ZDHHC23: variants seen among roughly 807,000 people sequenced by gnomAD.
ZDHHC23 encodes the protein zDHHC palmitoyltransferase 23.
In ZDHHC23, 41 loss-of-function variants were observed where a neutral mutation model predicts 40.2. That is an observed-to-expected ratio of 1.02 (90% CI 0.79 to 1.32). The LOEUF (loss-of-function observed/expected upper bound fraction) is 1.32. Ranked by LOEUF, ZDHHC23 falls within the 40% of genes most tolerant of loss-of-function variation. ZDHHC23 has a pLI of 0.00. For synonymous variants in ZDHHC23, 204 were observed against 210.2 expected, an observed-to-expected ratio of 0.97 and a Z score of 0.26; for missense variants, 471 against 541.5, an observed-to-expected ratio of 0.87 and a Z score of 1.29.
At position 113,959,005 on chromosome 3, in the gene ZDHHC23, C is replaced by A. The variant is rs1488347377; in HGVS notation, c.*375C>A. 8.9e-7 allele frequency: 1 copy of A among 1,126,098 alleles called. No individual in the cohort carries two copies. 69.8% of individuals were successfully genotyped at this position (1,126,098 alleles called of 1,614,324 possible). A position where few individuals can be genotyped will look rare whatever the true frequency, so the allele number is the denominator to read the frequency against. On this transcript the variant is annotated 3_prime_UTR_variant, in exon 5 of 5. Transcript: ENST00000638807. ...TTTCGATTCTTAATAGCCATGTGAC[C>A]CCTAGCTGAGTCACTTTCCCAAGTC...
chr3:113,970,443 A>T, the ZDHHC23 span, among the ~76,000 whole-genome samples: 4 of 152,126 alleles, frequency 2.6e-5, no homozygotes, highest in Non-Finnish European at 5.9e-5. Context: ...TACAGCCATG[A>T]GCCATCACAT....
In ZDHHC23 at chr3:113,958,649, C is replaced by G. The variant is rs746255251; in HGVS notation, c.*19C>G. 36 of 1,593,922 alleles carry G rather than the reference C, an allele frequency of 2.3e-5. No homozygotes were observed. Among genetic ancestry groups the G allele is most frequent in the Admixed American group, 3.4e-5 (2 of 59,168 alleles). On this transcript the variant is annotated 3_prime_UTR_variant, in exon 5 of 5. Transcript: ENST00000638807. ...TGTCTGAAGTGCCTTCTATGTGGCT[C>G]TCTGAGGGATGATGGCTCCTCCTTC...
rs1319548376 is a variant in ZDHHC23, at chr3:113,962,077, T to C, written c.*3447T>C. On this transcript the variant is annotated 3_prime_UTR_variant, in exon 5 of 5. Coordinates refer to ENST00000638807, the MANE Select transcript of ZDHHC23 (RefSeq NM_001320466.2). The stretch of plus-strand genomic sequence containing the variant: ...AAGTAGAGGTTGCTTAAGCAAGCAA[T>C]GGATAATAAGAGACTTTTCCTGAGG... 1 of 152,592 alleles carries C rather than the reference T, an allele frequency of 6.6e-6. No individual in the cohort carries two copies. The highest frequency in any genetic ancestry group is 1.5e-5 in the Non-Finnish European group (1 of 68,026). 9.5% of individuals were successfully genotyped at this position (152,592 alleles called of 1,614,324 possible).
chr3:113,967,176 T>G (rs892008947), downstream of ZDHHC23, among the ~76,000 whole-genome samples: 1 of 152,112 alleles, frequency 6.6e-6, no homozygotes, highest in Admixed American at 6.5e-5. Flanking sequence ...ATCCATTCAG[T>G]CCACCATTTA....
chr3:113,973,596 GT>G, the ZDHHC23 span, among the ~76,000 whole-genome samples: 91 of 145,566 alleles, frequency 6.3e-4, 1 homozygote, highest in African/African-American at 1.6e-3. Context: ...TGGATGGCAG[GT>G]TTTTTTTTTT....
At position 113,953,983 on chromosome 3, in the gene ZDHHC23, C is replaced by G. The variant is rs1247714803; in HGVS notation, c.445C>G (p.Leu149Val). 6.2e-7 allele frequency: 1 copy of G among 1,614,156 alleles called. No homozygotes were observed. The highest frequency in any genetic ancestry group is 2.2e-5 in the East Asian group (1 of 44,886). Residue 149 changes from leucine (L) to valine (V), a missense_variant, in exon 3 of 5, where the codon CTG becomes GTG. Physicochemically the swap from Leu to Val is conservative, Grantham distance 32 (BLOSUM62 1). Around this residue, in one of 3 missense-constraint regions of ZDHHC23, gnomAD observed 346 missense variants for 399.8 expected, o/e 0.87. Transcript: ENST00000638807. Reference sequence around the variant, plus strand: ...TTTCCTGAGCCTTGGACTGTTCTCTCTGGGCTACATGTACTATGTGTTCCT... The same window carrying G: ...TTTCCTGAGCCTTGGACTGTTCTCTGTGGGCTACATGTACTATGTGTTCCT... Reference protein sequence around the residue: ...LFFLSLGLFSLGYMYYVFLQE... With the variant: ...LFFLSLGLFSVGYMYYVFLQE...
chr3:113,956,526 G>A lies in ZDHHC23; in HGVS notation c.1040+20G>A. On this transcript the variant is annotated intron_variant, in intron 4 of 4. Transcript: ENST00000638807. ...TTACAGGTGAGCAGTGGGTACCACA[G>A]TATGGAGGCCCCCTGGGAAGTAATG... 1 of 1,597,056 alleles carries A rather than the reference G, an allele frequency of 6.3e-7. No individual in the cohort carries two copies. The highest frequency in any genetic ancestry group is 8.5e-7 in the Non-Finnish European group (1 of 1,172,920).
chr3:113,948,687 C>T lies in ZDHHC23; in HGVS notation c.-116C>T. On this transcript the variant is annotated splice_region_variant and 5_prime_UTR_variant, in exon 2 of 5. Coordinates refer to ENST00000638807, the MANE Select transcript of ZDHHC23 (RefSeq NM_001320466.2). ...CTCTTCTCATTTTTGATTGCTCAGGCGTTGGAGGTTAAGCAGAGAGAGAGA... is the reference window on the plus strand; with the variant it reads ...CTCTTCTCATTTTTGATTGCTCAGGTGTTGGAGGTTAAGCAGAGAGAGAGA... 1.6e-6 allele frequency: 2 copies of T among 1,232,646 alleles called. No individual in the cohort carries two copies. Among genetic ancestry groups the T allele is most frequent in the Non-Finnish European group, 2.3e-6 (2 of 880,600 alleles). 76.4% of individuals were successfully genotyped at this position (1,232,646 alleles called of 1,614,324 possible). A position where few individuals can be genotyped will look rare whatever the true frequency, so the allele number is the denominator to read the frequency against.
chr3:113,965,316 T>G (rs1200463236), downstream of ZDHHC23: 8 of 1,610,392 alleles, frequency 5.0e-6, no homozygotes, highest in Non-Finnish European at 6.8e-6. Context: ...TTCATAAATT[T>G]TACAAACTTC....
chr3:113,973,020 C>A, the ZDHHC23 span, among the ~76,000 whole-genome samples: 1 of 152,098 alleles, frequency 6.6e-6, no homozygotes, highest in Non-Finnish European at 1.5e-5. Flanking sequence ...CACTCTATGT[C>A]TTTTAATTGG....
chr3:113,948,560 A>C, intron 1 of ZDHHC23, 126 bp from the exon 2 acceptor site: 2 of 413,360 alleles, frequency 4.8e-6, no homozygotes, highest in Admixed American at 3.6e-5. Flanking sequence ...CAGGCTGGGA[A>C]GGGGCGGTGA....
At chr3:113,978,949 C>T in the ZDHHC23 span, 180 of 1,613,998 alleles carry the variant, frequency 1.1e-4, 2 homozygotes, top group East Asian at 1.2e-3. Flanking sequence ...TTCCTGACTA[C>T]GCTGGAACCA....
the ZDHHC23 span, among the ~76,000 whole-genome samples, chr3:113,977,158 G>A: frequency 6.6e-6 from 1 of 152,154 alleles, no homozygotes; most frequent in Non-Finnish European, 1.5e-5. Context: ...TTAGCCGGGT[G>A]TCGTGGTGTG....
rs762527799 is a variant in ZDHHC23, at chr3:113,958,588, G to A, written c.1266G>A (p.Leu422=). The A allele has an allele frequency of 1.9e-6, 3 of 1,605,972 alleles. No homozygotes were observed. Among genetic ancestry groups the A allele is most frequent in the Non-Finnish European group, 2.5e-6 (3 of 1,179,730 alleles). Residue 422 remains leucine (L), a synonymous_variant, in exon 5 of 5, where the codon CTG becomes CTA. Coordinates refer to ENST00000638807, the MANE Select transcript of ZDHHC23 (RefSeq NM_001320466.2). ...FLRNWHQFST[L]GTRAFHHPAE... Reference sequence around the variant, plus strand: ...GGAACTGGCACCAGTTCTCCACCCTGGGCACACGTGCATTCCACCACCCTG... The same window carrying A: ...GGAACTGGCACCAGTTCTCCACCCTAGGCACACGTGCATTCCACCACCCTG...
Position 113,948,711 on chromosome 3 carries a change from G to C in ZDHHC23, c.-92G>C, listed in dbSNP as rs2107420462. The stretch of plus-strand genomic sequence containing the variant: ...GCGTTGGAGGTTAAGCAGAGAGAGA[G>C]AGGCGTGGACCTATTTACGAGATGT... On this transcript the variant is annotated 5_prime_UTR_variant, in exon 2 of 5. Coordinates refer to ENST00000638807, the MANE Select transcript of ZDHHC23 (RefSeq NM_001320466.2). 9 of 1,457,190 alleles carry C rather than the reference G, an allele frequency of 6.2e-6. No individual in the cohort carries two copies. Among genetic ancestry groups the C allele is most frequent in the Non-Finnish European group, 8.5e-6 (9 of 1,059,942 alleles). 90.3% of individuals were successfully genotyped at this position (1,457,190 alleles called of 1,614,324 possible).
At chr3:113,965,455 TAATAA>T (rs1399753987), downstream of ZDHHC23, 8 of 637,060 alleles carry the variant, frequency 1.3e-5, no homozygotes, top group South Asian at 4.9e-5. Context: ...ATTCTTATGT[TAATAA>T]AATGCTGTAT....
At chr3:113,950,125 TCTC>T (rs1360101128) in intron 2 of ZDHHC23, among the ~76,000 whole-genome samples, 1 of 152,140 alleles carries the variant, frequency 6.6e-6, no homozygotes, top group Non-Finnish European at 1.5e-5. Context: ...TCTGTACCCC[TCTC>T]CTCTGTGTTT....
At position 113,954,429 on chromosome 3, in the gene ZDHHC23, G is replaced by C. The variant is rs1244752489; in HGVS notation, c.872+19G>C. 6.5e-7 allele frequency: 1 copy of C among 1,539,498 alleles called. No individual in the cohort carries two copies. The highest frequency in any genetic ancestry group is 2.1e-5 in the Admixed American group (1 of 47,770). ...GTGTCTGGTATGTTGGAAACATTTGGAGACTTGGAAAGTGTAAATTCATGT... is the reference window on the plus strand; with the variant it reads ...GTGTCTGGTATGTTGGAAACATTTGCAGACTTGGAAAGTGTAAATTCATGT... On this transcript the variant is annotated intron_variant, in intron 3 of 4. Transcript: ENST00000638807.
intron 3 of ZDHHC23, among the ~76,000 whole-genome samples, chr3:113,955,387 T>C (rs958121665): frequency 4.2e-5 from 6 of 143,460 alleles, no homozygotes; most frequent in East Asian, 2.1e-4. Flanking sequence ...TGTGTGTGTG[T>C]GTGTGCGTGT....
Sources: allele counts gnomAD v4.1 joint callset (sites outside exome capture counted in the v4.1 genomes callset), GRCh38; gene constraint gnomAD v4.1.1; regional missense constraint gnomAD v4.1.1; transcripts MANE v1.5; gene names NCBI Gene and HGNC (gene_info 2026-07-23, HGNC 2026-07-21).